The following ELP4 variants were observed in gnomAD, a reference collection of about 807,000 sequenced individuals.
ELP4 encodes the protein elongator acetyltransferase complex subunit 4.
Under a neutral mutation model 48.9 loss-of-function variants are expected in ELP4, and 51 were observed. The observed-to-expected ratio is 1.04, with a 90% confidence interval of 0.83 to 1.32. ELP4 has a LOEUF of 1.32. Ranked by LOEUF, ELP4 falls within the 40% of genes most tolerant of loss-of-function variation. ELP4 has a pLI of 0.00. For synonymous variants in ELP4, 210 were observed against 189.2 expected (o/e 1.11, Z -0.90); for missense variants, 519 against 514.6 (o/e 1.01, Z -0.08).
intron 3 of ELP4, among the ~76,000 whole-genome samples, chr11:31,594,145 A>G (rs1032529129): frequency 2.0e-5 from 3 of 152,094 alleles, no homozygotes; most frequent in African/African-American, 7.2e-5. Context: ...CATGTTTTCT[A>G]GTTTTTTATG....
intron 9 of ELP4, among the ~76,000 whole-genome samples, chr11:31,685,814 C>T (rs1419331557): frequency 6.6e-6 from 1 of 151,820 alleles, no homozygotes; most frequent in Non-Finnish European, 1.5e-5. Flanking sequence ...GCCTGTAGTC[C>T]CAGCTAGCCA....
chr11:31,562,930 A>C (rs1346198199), intron 3 of ELP4, among the ~76,000 whole-genome samples: 1 of 152,134 alleles, frequency 6.6e-6, no homozygotes, highest in Non-Finnish European at 1.5e-5. Context: ...TATACTATTA[A>C]TACATGGATA....
intron 9 of ELP4, among the ~76,000 whole-genome samples, chr11:31,738,695 C>T (rs919668718): frequency 1.3e-5 from 2 of 150,974 alleles, no homozygotes; most frequent in Admixed American, 6.6e-5. Flanking sequence ...GAGCGGAGAT[C>T]GTGCCACTGT....
intron 2 of ELP4, among the ~76,000 whole-genome samples, chr11:31,532,131 A>C (rs1956404920): frequency 6.6e-6 from 1 of 152,124 alleles, no homozygotes; most frequent in Non-Finnish European, 1.5e-5. Context: ...AGTTGAAGAA[A>C]CCTCAAGCCC....
chr11:31,659,983 C>A (rs1029278259), intron 9 of ELP4, among the ~76,000 whole-genome samples: 3 of 152,056 alleles, frequency 2.0e-5, no homozygotes, highest in African/African-American at 4.8e-5. Context: ...CAGTGCGAGA[C>A]TCCATCTCAA....
rs1415723302 is a variant in ELP4, at chr11:31,721,739, A to G, written c.1144-61654A>G. ...ATTTCTCAGATAAAATGGTTCAATT[A>G]AAAATGATATTGAACTGAAAAAAAC... On this transcript the variant is annotated intron_variant, in intron 9 of 9. Coordinates refer to ENST00000640961, the MANE Select transcript of ELP4 (RefSeq NM_019040.5). Among the ~76,000 whole-genome samples the G allele has an allele frequency of 2.0e-5, 3 of 152,350 alleles. No individual in the cohort carries two copies. In the East Asian group the frequency reaches 5.8e-4, roughly 29 times the overall value.
At chr11:31,663,978 T>C (rs1945617569) in intron 9 of ELP4, 1 of 152,104 alleles carries the variant, frequency 6.6e-6, no homozygotes, top group Non-Finnish European at 1.5e-5. Context: ...AAACAAAACT[T>C]CTTTTCAAAG....
intron 3 of ELP4, among the ~76,000 whole-genome samples, chr11:31,564,929 C>G (rs1159428649): frequency 9.9e-5 from 15 of 152,116 alleles, no homozygotes; most frequent in Non-Finnish European, 2.9e-5. Context: ...ATTTCTAGTT[C>G]TAGATCCCTG....
chr11:31,579,923 T>C (rs2133970379), intron 3 of ELP4, among the ~76,000 whole-genome samples: 1 of 151,978 alleles, frequency 6.6e-6, no homozygotes, highest in East Asian at 1.9e-4. Context: ...ACCCTAGAAC[T>C]TAAAGTATAA....
At chr11:31,526,885 A>G (rs1446856105) in intron 2 of ELP4, among the ~76,000 whole-genome samples, 1 of 151,992 alleles carries the variant, frequency 6.6e-6, no homozygotes, top group Non-Finnish European at 1.5e-5. Context: ...AGGGGAAAAA[A>G]ATCTTCCCTC....
At chr11:31,561,508 C>T (rs965641769) in intron 3 of ELP4, among the ~76,000 whole-genome samples, 1 of 152,088 alleles carries the variant, frequency 6.6e-6, no homozygotes, top group African/African-American at 2.4e-5. Context: ...GTGGTGCAAT[C>T]GCAGCTCACT....
At chr11:31,555,990 A>G (rs1956925010) in intron 3 of ELP4, among the ~76,000 whole-genome samples, 1 of 151,948 alleles carries the variant, frequency 6.6e-6, no homozygotes, top group Non-Finnish European at 1.5e-5. Context: ...CCTATAACCA[A>G]CGCAAATATT....
At chr11:31,699,827 G>A (rs1321067793) in intron 9 of ELP4, among the ~76,000 whole-genome samples, 2 of 152,094 alleles carry the variant, frequency 1.3e-5, no homozygotes, top group African/African-American at 4.8e-5. Context: ...TATCATGTTA[G>A]TGGTTTCCCT....
chr11:31,545,050 G>GA (rs918718434), intron 3 of ELP4, among the ~76,000 whole-genome samples: 15 of 151,828 alleles, frequency 9.9e-5, no homozygotes, highest in Admixed American at 5.3e-4. Context: ...ACAAAGATGG[G>GA]AAAAAAACAG....
intron 9 of ELP4, among the ~76,000 whole-genome samples, chr11:31,717,872 A>G (rs967143755): frequency 6.6e-6 from 1 of 152,162 alleles, no homozygotes; most frequent in African/African-American, 2.4e-5. Context: ...TGACATCATC[A>G]TAGTGCTTCT....
intron 6 of ELP4, among the ~76,000 whole-genome samples, chr11:31,629,645 A>G (rs1944816705): frequency 6.6e-6 from 1 of 152,050 alleles, no homozygotes; most frequent in Non-Finnish European, 1.5e-5. Context: ...TTTTAATACA[A>G]TAATAGATAA....
chr11:31,510,465 G>T, intron 1 of ELP4: 1 of 410,688 alleles, frequency 2.4e-6, no homozygotes, highest in South Asian at 1.1e-4. Flanking sequence ...TCCCCTCTTT[G>T]ACCGTCAGAC....
intron 9 of ELP4, among the ~76,000 whole-genome samples, chr11:31,721,307 A>G (rs895488855): frequency 3.9e-5 from 6 of 152,142 alleles, no homozygotes; most frequent in African/African-American, 9.7e-5. Context: ...CCTTATGCCA[A>G]TGGGTTCCTT....
intron 9 of ELP4, among the ~76,000 whole-genome samples, chr11:31,716,677 C>T (rs1295299710): frequency 6.6e-6 from 1 of 152,106 alleles, no homozygotes; most frequent in African/African-American, 2.4e-5. Context: ...GACAACCTTA[C>T]CAATAGGATA....
Sources: gnomAD v4.1 joint callset for allele counts (sites outside exome capture counted in the v4.1 genomes callset) on GRCh38, gnomAD v4.1.1 for gene constraint, MANE v1.5 for transcripts, NCBI Gene and HGNC (gene_info 2026-07-23, HGNC 2026-07-21) for gene names.